The following QRSL1 variants were observed in gnomAD, a reference collection of about 807,000 sequenced individuals.
The protein encoded by QRSL1 is glutaminyl-tRNA amidotransferase subunit QRSL1.
In QRSL1, 54 loss-of-function variants were observed where a neutral mutation model predicts 61.6. The ratio of observed to expected loss-of-function variants is 0.88; its 90% CI spans 0.70 to 1.10. QRSL1 has a LOEUF of 1.10. Ranked by LOEUF, QRSL1 falls within the 50% of genes least tolerant of loss-of-function variation. QRSL1 has a pLI of 0.00. For missense variants in QRSL1, 505 were observed against 622.6 expected (o/e 0.81, Z 2.01); for synonymous variants, 228 against 225.7 (o/e 1.01, Z -0.09).
chr6:106,649,372 A>G (rs1368084402), intron 5 of QRSL1, among the ~76,000 whole-genome samples, 171 bp downstream of exon 5: 6 of 151,948 alleles, frequency 3.9e-5, no homozygotes, highest in Non-Finnish European at 2.9e-5. Flanking sequence ...TGTACAGTAC[A>G]CTATGTATAT....
chr6:106,646,459 G>A (rs1257207219), intron 4 of QRSL1, among the ~76,000 whole-genome samples: 1 of 152,012 alleles, frequency 6.6e-6, no homozygotes, highest in Non-Finnish European at 1.5e-5. Flanking sequence ...AATCTTCCAG[G>A]ATAAGAGATA....
At chr6:106,648,300 GA>G (rs773668246) in intron 4 of QRSL1, among the ~76,000 whole-genome samples, 58 of 148,172 alleles carry the variant, frequency 3.9e-4, no homozygotes, top group Non-Finnish European at 5.7e-4. Flanking sequence ...TCTCAAAAAA[GA>G]AAAAAAAAAT....
At position 106,663,186 on chromosome 6, in the gene QRSL1, G is replaced by A. The variant is rs1204193145; in HGVS notation, c.1366+1G>A. 3 of 1,613,128 alleles carry A rather than the reference G, an allele frequency of 1.9e-6. No individual in the cohort carries two copies. The highest frequency in any genetic ancestry group is 1.3e-5 in the African/African-American group (1 of 74,918). On this transcript the variant is annotated splice_donor_variant, in intron 10 of 10. Coordinates refer to ENST00000369046, the MANE Select transcript of QRSL1 (RefSeq NM_018292.5). LOFTEE classifies it high-confidence loss of function. ...TTTACACAAGCTGTAAATATGGCAG[G>A]TGAGGATTCCTCAGGAACATTCTGA...
intron 1 of QRSL1, among the ~76,000 whole-genome samples, chr6:106,636,638 T>C (rs1313490107): frequency 6.6e-6 from 1 of 152,132 alleles, no homozygotes; most frequent in East Asian, 1.9e-4. Context: ...GCTTTTTAGC[T>C]ATGTGACCTC....
chr6:106,644,812 C>G (rs890131236), intron 4 of QRSL1, among the ~76,000 whole-genome samples: 2 of 152,164 alleles, frequency 1.3e-5, no homozygotes, highest in East Asian at 3.8e-4. Context: ...AGCCATCGTG[C>G]CTGGCCAAGA....
intron 1 of QRSL1, among the ~76,000 whole-genome samples, chr6:106,631,672 A>T (rs67928503): frequency 0.039 from 5,952 of 152,054 alleles, 167 homozygotes; most frequent in Non-Finnish European, 0.059. Context: ...TTAAAAAAAA[A>T]TTTTAATGGG....
chr6:106,656,179 T>A (rs1455015123), intron 9 of QRSL1, among the ~76,000 whole-genome samples: 1 of 152,228 alleles, frequency 6.6e-6, no homozygotes, highest in Non-Finnish European at 1.5e-5. Context: ...CACCATTTTA[T>A]ATGAGACTTG....
At chr6:106,654,961 C>T (rs376005712) in intron 8 of QRSL1, 39 bp downstream of exon 8, 115 of 1,488,042 alleles carry the variant, frequency 7.7e-5, no homozygotes, top group Middle Eastern at 3.5e-4. Context: ...AGGTAGTTGT[C>T]GCAAACATTT....
At chr6:106,655,362 C>T (rs1777251061) in intron 8 of QRSL1, among the ~76,000 whole-genome samples, 1 of 151,802 alleles carries the variant, frequency 6.6e-6, no homozygotes, top group Admixed American at 6.6e-5. Flanking sequence ...AAATGTGAAT[C>T]TAAATAAGCC....
intron 2 of QRSL1, 84 bp from the exon 3 acceptor site, chr6:106,640,739 T>C (rs1305383631): frequency 8.1e-7 from 1 of 1,232,026 alleles, no homozygotes; most frequent in Non-Finnish European, 1.2e-6. Context: ...TGCCAAAAAC[T>C]AGTAGTTACT....
At chr6:106,648,352 C>T (rs1777145700) in intron 4 of QRSL1, among the ~76,000 whole-genome samples, 2 of 152,034 alleles carry the variant, frequency 1.3e-5, no homozygotes, top group Non-Finnish European at 2.9e-5. Context: ...GATAACTATA[C>T]TGTGACTGTA....
At chr6:106,645,476 G>A (rs1582411732) in intron 4 of QRSL1, among the ~76,000 whole-genome samples, 1 of 151,696 alleles carries the variant, frequency 6.6e-6, no homozygotes, top group Admixed American at 6.6e-5. Flanking sequence ...AGACTGGAGT[G>A]CAATGGTGCA....
Position 106,640,861 on chromosome 6 carries a change from G to A in QRSL1, c.223G>A (p.Val75Ile), listed in dbSNP as rs367555359. ...GGATTTAGATGGAATTCCTATTGCA[G>A]TAAAAGACAATTTCAGCACTTCTGG... ...LGDLDGIPIA[V>I]KDNFSTSGIE... Residue 75 changes from valine (V) to isoleucine (I), a missense_variant, in exon 3 of 11, where the codon GTA (valine) becomes ATA (isoleucine). Coordinates refer to ENST00000369046, the MANE Select transcript of QRSL1 (RefSeq NM_018292.5). 6.2e-7 allele frequency: 1 copy of A among 1,613,722 alleles called. No individual in the cohort carries two copies. Among genetic ancestry groups the A allele is most frequent in the Non-Finnish European group, 8.5e-7 (1 of 1,179,852 alleles).
chr6:106,633,054 T>C (rs936287087), intron 1 of QRSL1, among the ~76,000 whole-genome samples: 12 of 152,244 alleles, frequency 7.9e-5, no homozygotes, highest in African/African-American at 2.9e-4. Context: ...GAGTTAGCCA[T>C]TGTGAAAAAC....
At chr6:106,652,848 C>T (rs1777210813) in intron 7 of QRSL1, 1 of 1,215,988 alleles carries the variant, frequency 8.2e-7, no homozygotes, top group Non-Finnish European at 1.1e-6. Flanking sequence ...GGCAAGATAG[C>T]AAATATTTTA....
intron 5 of QRSL1, among the ~76,000 whole-genome samples, chr6:106,649,769 CTTTGTA>C (rs1777166323): frequency 6.6e-6 from 1 of 152,088 alleles, no homozygotes; most frequent in Non-Finnish European, 1.5e-5. Flanking sequence ...ATCTATCATA[CTTTGTA>C]TTTGGTAAGA....
intron 9 of QRSL1, among the ~76,000 whole-genome samples, chr6:106,659,916 C>T (rs1562172262): frequency 6.6e-6 from 1 of 152,164 alleles, no homozygotes; most frequent in Non-Finnish European, 1.5e-5. Flanking sequence ...GGGATTGTTT[C>T]CCCAGCCTTG....
chr6:106,657,269 A>C (rs550118795), intron 9 of QRSL1, among the ~76,000 whole-genome samples: 88 of 137,018 alleles, frequency 6.4e-4, no homozygotes, highest in Admixed American at 1.2e-3. Context: ...ACTCCATCTC[A>C]AAAAAAAAAA....
At chr6:106,635,852 C>T (rs1056558883) in intron 1 of QRSL1, among the ~76,000 whole-genome samples, 3 of 149,292 alleles carry the variant, frequency 2.0e-5, no homozygotes, top group Non-Finnish European at 4.4e-5. Flanking sequence ...GCCTGGGCAA[C>T]AGAGCGAGAC....
Sources: allele counts gnomAD v4.1 joint callset (sites outside exome capture counted in the v4.1 genomes callset), GRCh38; gene constraint gnomAD v4.1.1; transcripts MANE v1.5; gene names NCBI Gene and HGNC (gene_info 2026-07-23, HGNC 2026-07-21).